Variants in GRIN2A observed in about 807,000 individuals in gnomAD.
GRIN2A encodes glutamate receptor ionotropic, NMDA 2A.
Under a neutral mutation model 113.4 loss-of-function variants are expected in GRIN2A, and 22 were observed. The observed-to-expected ratio is 0.19, with a 90% confidence interval of 0.14 to 0.28. The LOEUF (loss-of-function observed/expected upper bound fraction) is 0.28. Ranked by LOEUF, GRIN2A falls within the 10% of genes least tolerant of loss-of-function variation. The pLI, the probability that GRIN2A is intolerant of heterozygous loss-of-function variation, is 1.00. For missense variants in GRIN2A, 1,502 were observed against 1,887.0 expected (o/e 0.80, Z 3.78); for synonymous variants, 827 against 738.4 (o/e 1.12, Z -1.94).
chr16:9,820,647 GAA>G (rs983293534), intron 10 of GRIN2A, among the ~76,000 whole-genome samples: 5 of 152,238 alleles, frequency 3.3e-5, no homozygotes, highest in South Asian at 4.1e-4. Context: ...CGACAAAAAA[GAA>G]AAGAGTGTGG....
At chr16:10,039,813 A>AAGAGAGAGAGAG (rs142696536) in intron 2 of GRIN2A, among the ~76,000 whole-genome samples, 6 of 73,578 alleles carry the variant, frequency 8.2e-5, no homozygotes, top group South Asian at 6.7e-4. Context: ...GGGGGGGAGA[A>AAGAGAGAGAGAG]AGAGAGAGAG....
intron 2 of GRIN2A, among the ~76,000 whole-genome samples, chr16:10,157,505 T>A (rs1351737319): frequency 6.6e-6 from 1 of 152,218 alleles, no homozygotes; most frequent in African/African-American, 2.4e-5. Context: ...AGAGGTTTAA[T>A]TGACTCACAG....
chr16:9,773,945 AGGG>A, intron 11 of GRIN2A, among the ~76,000 whole-genome samples: 2 of 61,924 alleles, frequency 3.2e-5, no homozygotes, highest in African/African-American at 1.2e-4. Context: ...AGAATCTAAA[AGGG>A]AACAGGCAAG....
intron 2 of GRIN2A, among the ~76,000 whole-genome samples, chr16:10,074,186 A>G (rs1483443681): frequency 6.6e-6 from 1 of 152,248 alleles, no homozygotes; most frequent in Non-Finnish European, 1.5e-5. Context: ...ATAGCACTTC[A>G]CACTCACCAG....
intron 10 of GRIN2A, among the ~76,000 whole-genome samples, chr16:9,802,654 G>A (rs1299194682): frequency 1.3e-5 from 2 of 152,116 alleles, no homozygotes; most frequent in African/African-American, 4.8e-5. Context: ...GAAAGCCTAA[G>A]GCAGCCTGGG....
chr16:9,760,824 G>A lies in GRIN2A; in HGVS notation c.*2325C>T. On this transcript the variant is annotated 3_prime_UTR_variant, in exon 13 of 13. Transcript: ENST00000330684. Reference sequence around the variant, plus strand: ...ATGTCAAAACATCCCAGACTCATGAGGAAATGGAGGCGATCCTTGCTGGGG... The same window carrying A: ...ATGTCAAAACATCCCAGACTCATGAAGAAATGGAGGCGATCCTTGCTGGGG... The A allele has an allele frequency of 8.6e-6, 2 of 231,566 alleles. No homozygotes were observed. Among genetic ancestry groups the A allele is most frequent in the Non-Finnish European group, 1.7e-5 (2 of 117,098 alleles). The allele number at this position is 231,566 out of a possible 1,614,324, so 14.3% of individuals were successfully genotyped here.
At chr16:10,017,847 T>TC (rs34707788) in intron 2 of GRIN2A, among the ~76,000 whole-genome samples, 1 of 151,976 alleles carries the variant, frequency 6.6e-6, no homozygotes, top group Non-Finnish European at 1.5e-5. Context: ...AATCAAAATT[T>TC]AAATAAAGAC....
At position 9,753,919 on chromosome 16, in the gene GRIN2A, G is replaced by C. The variant is rs999893418; in HGVS notation, c.*9230C>G. The C allele has an allele frequency of 5.6e-6, 1 of 178,292 alleles. No homozygotes were observed. The highest frequency in any genetic ancestry group is 2.4e-5 in the African/African-American group (1 of 42,272). The allele number at this position is 178,292 out of a possible 1,614,324, so 11.0% of individuals were successfully genotyped here. A position where few individuals can be genotyped will look rare whatever the true frequency, so the allele number is the denominator to read the frequency against. On this transcript the variant is annotated 3_prime_UTR_variant, in exon 13 of 13. Coordinates refer to ENST00000330684, the MANE Select transcript of GRIN2A (RefSeq NM_001134407.3). ...GCATATGGAGTTCAATCCTAGCCTT[G>C]TTGGGTTAAAAATGGACTCAGACAT...
At chr16:10,168,623 C>T (rs1464933718) in intron 2 of GRIN2A, among the ~76,000 whole-genome samples, 1 of 152,100 alleles carries the variant, frequency 6.6e-6, no homozygotes, top group Non-Finnish European at 1.5e-5. Flanking sequence ...TGTTAGAGAC[C>T]TAATTGCCGA....
intron 2 of GRIN2A, among the ~76,000 whole-genome samples, chr16:10,097,765 C>G (rs937668819): frequency 1.3e-5 from 2 of 152,180 alleles, no homozygotes; most frequent in Non-Finnish European, 2.9e-5. Context: ...AGTGGATCCT[C>G]ATCTCTCACC....
intron 2 of GRIN2A, among the ~76,000 whole-genome samples, chr16:10,131,265 T>G (rs971332660): frequency 3.3e-5 from 5 of 152,158 alleles, no homozygotes; most frequent in African/African-American, 1.2e-4. Context: ...TAGAGTGGGC[T>G]GTAGTAGTGA....
intron 4 of GRIN2A, among the ~76,000 whole-genome samples, chr16:9,873,142 A>T (rs1479058864): frequency 6.6e-6 from 1 of 152,206 alleles, no homozygotes; most frequent in African/African-American, 2.4e-5. Context: ...ATACAGTTAG[A>T]TGCAGAATGT....
intron 2 of GRIN2A, among the ~76,000 whole-genome samples, chr16:10,066,406 G>A (rs1278457923): frequency 2.6e-5 from 4 of 152,182 alleles, no homozygotes; most frequent in Non-Finnish European, 5.9e-5. Flanking sequence ...GAGCAGCAGA[G>A]AGTTTCAAGG....
intron 3 of GRIN2A, among the ~76,000 whole-genome samples, chr16:9,910,721 A>G (rs1209373757): frequency 3.3e-5 from 5 of 152,000 alleles, no homozygotes; most frequent in Non-Finnish European, 7.4e-5. Context: ...TATTTTTAGT[A>G]GAAATGGAGT....
intron 2 of GRIN2A, among the ~76,000 whole-genome samples, chr16:10,118,757 G>C (rs975558723): frequency 7.2e-5 from 11 of 152,196 alleles, no homozygotes; most frequent in Admixed American, 7.2e-4. Flanking sequence ...ATGTGAACAG[G>C]ATCCTGATGG....
At chr16:9,846,435 T>TTA (rs2141359971) in intron 5 of GRIN2A, among the ~76,000 whole-genome samples, 1 of 152,306 alleles carries the variant, frequency 6.6e-6, no homozygotes, top group African/African-American at 2.4e-5. Context: ...CATTTAGCAA[T>TTA]CACATATTAT....
chr16:10,152,932 G>A (rs1206670950), intron 2 of GRIN2A, among the ~76,000 whole-genome samples: 2 of 152,122 alleles, frequency 1.3e-5, no homozygotes, highest in Non-Finnish European at 2.9e-5. Flanking sequence ...CAGGAGGTAG[G>A]GGCTTAGGGA....
chr16:9,836,675 C>A (rs1002473132), intron 7 of GRIN2A, among the ~76,000 whole-genome samples: 2 of 152,126 alleles, frequency 1.3e-5, no homozygotes, highest in Non-Finnish European at 2.9e-5. Context: ...CTATCAGTGC[C>A]CTGAAGGGTT....
At chr16:9,867,834 G>A (rs556253151) in intron 4 of GRIN2A, among the ~76,000 whole-genome samples, 2 of 151,770 alleles carry the variant, frequency 1.3e-5, no homozygotes, top group Admixed American at 6.6e-5. Context: ...CTCAGGCCTC[G>A]GCCTCTTCTG....
Sources: gnomAD v4.1 joint callset for allele counts (sites outside exome capture counted in the v4.1 genomes callset) on GRCh38, gnomAD v4.1.1 for gene constraint, MANE v1.5 for transcripts, NCBI Gene and HGNC (gene_info 2026-07-23, HGNC 2026-07-21) for gene names.